Variants in MAPT observed in about 807,000 individuals in gnomAD.
MAPT encodes the protein microtubule associated protein tau.
A neutral mutation model predicts 67.9 loss-of-function variants in MAPT; 34 were observed. The observed-to-expected ratio is 0.50, with a 90% CI of 0.38 to 0.67. The LOEUF (loss-of-function observed/expected upper bound fraction) is 0.67. Among genes scored for constraint, MAPT ranks in the 30% least tolerant of loss-of-function variants. The pLI, the probability that MAPT is intolerant of heterozygous loss-of-function variation, is 0.00. For synonymous variants in MAPT, 456 were observed against 464.5 expected, an observed-to-expected ratio of 0.98 and a Z score of 0.23; for missense variants, 881 against 1,115.2, an observed-to-expected ratio of 0.79 and a Z score of 2.99.
intron 1 of MAPT, among the ~76,000 whole-genome samples, chr17:45,929,663 A>G (rs1296571031): frequency 9.9e-5 from 15 of 152,186 alleles, no homozygotes; most frequent in Admixed American, 9.8e-4. Context: ...CCCACCACTA[A>G]GCAAAAACAA....
At chr17:45,980,235 T>TCATGTCTGTAA in intron 4 of MAPT, 1 of 152,448 alleles carries the variant, frequency 6.6e-6, no homozygotes, top group African/African-American at 2.4e-5. Flanking sequence ...GTGCGGTGGC[T>TCATGTCTGTAA]CATGTCTGTA....
chr17:45,946,523 C>T (rs2068491602), intron 1 of MAPT, among the ~76,000 whole-genome samples: 1 of 147,244 alleles, frequency 6.8e-6, no homozygotes, highest in Non-Finnish European at 1.5e-5. Context: ...TGCTTGAACC[C>T]GAGAGGTAGA....
intron 2 of MAPT, among the ~76,000 whole-genome samples, chr17:45,966,406 G>A (rs1277896443): frequency 1.3e-5 from 2 of 152,006 alleles, no homozygotes; most frequent in African/African-American, 2.4e-5. Flanking sequence ...TGGGCAACAT[G>A]GTGAAATCCT....
chr17:45,993,803 G>A (rs540249632), intron 8 of MAPT: 9 of 965,678 alleles, frequency 9.3e-6, no homozygotes, highest in African/African-American at 8.1e-5. Context: ...TGGGCCCCTC[G>A]ACCTTGTTTC....
chr17:45,952,140 T>A (rs535103806), intron 1 of MAPT, among the ~76,000 whole-genome samples: 1 of 147,594 alleles, frequency 6.8e-6, no homozygotes, highest in South Asian at 2.1e-4. Context: ...AAGGGCATGC[T>A]TATTGATGTG....
chr17:45,996,562 G>A lies in MAPT; in HGVS notation c.1896G>A (p.Lys632=). ...RTPPKSPSSA[K]SRLQTAPVPM... is the part of the protein sequence containing the mutation. ...CACCCAAGTCGCCGTCTTCCGCCAAGAGCCGCCTGCAGACAGCCCCCGTGC... is the reference window on the plus strand; with the variant it reads ...CACCCAAGTCGCCGTCTTCCGCCAAAAGCCGCCTGCAGACAGCCCCCGTGC... The change falls in exon 9 of 13, where the codon AAG becomes AAA. Residue 632 remains lysine (K), a synonymous_variant. Coordinates refer to ENST00000262410, the MANE Select transcript of MAPT (RefSeq NM_001377265.1). The surrounding 1 kb of genome is among the most constrained non-coding windows in gnomAD (Gnocchi z 4.5). 6.2e-7 allele frequency: 1 copy of A among 1,613,686 alleles called. No individual in the cohort carries two copies. The highest frequency in any genetic ancestry group is 8.5e-7 in the Non-Finnish European group (1 of 1,179,832).
intron 2 of MAPT, among the ~76,000 whole-genome samples, chr17:45,965,888 T>C (rs2071028006): frequency 6.6e-6 from 1 of 152,142 alleles, no homozygotes; most frequent in Non-Finnish European, 1.5e-5. Flanking sequence ...CCCGTGAGGG[T>C]GGATGACGTC....
intron 1 of MAPT, among the ~76,000 whole-genome samples, chr17:45,900,552 G>A (rs1009279638): frequency 2.0e-5 from 3 of 152,156 alleles, no homozygotes; most frequent in East Asian, 3.8e-4. Flanking sequence ...TCAGGGACCC[G>A]ATAGAAATCC....
intron 1 of MAPT, among the ~76,000 whole-genome samples, chr17:45,923,445 C>T (rs914627193): frequency 2.0e-5 from 3 of 152,182 alleles, no homozygotes; most frequent in Non-Finnish European, 2.9e-5. Context: ...GGAAGGGGTC[C>T]GGCTGTCCCT....
intron 3 of MAPT, chr17:45,976,322 G>C (rs923848402): frequency 1.3e-5 from 2 of 152,182 alleles, no homozygotes; most frequent in Non-Finnish European, 2.9e-5. Context: ...CACACACCAG[G>C]TGTCCTCAAT....
intron 1 of MAPT, among the ~76,000 whole-genome samples, chr17:45,944,272 T>C (rs1029890429): frequency 6.6e-6 from 1 of 152,188 alleles, no homozygotes; most frequent in Non-Finnish European, 1.5e-5. Context: ...CACCAGGGCT[T>C]CTGACTCCAG....
chr17:45,901,338 C>T (rs913522725), intron 1 of MAPT, among the ~76,000 whole-genome samples: 3 of 152,130 alleles, frequency 2.0e-5, no homozygotes, highest in African/African-American at 7.2e-5. Context: ...CCAGTTTACT[C>T]GTTGAATAAA....
chr17:45,918,873 C>T (rs1396995208), intron 1 of MAPT, among the ~76,000 whole-genome samples: 1 of 152,106 alleles, frequency 6.6e-6, no homozygotes, highest in African/African-American at 2.4e-5. Context: ...GCCTGGCCAA[C>T]ATGGTGAAAC....
rs146478827 is a variant in MAPT, at chr17:45,933,005, C to T, written c.-17-29316C>T. Reference sequence around the variant, plus strand: ...GGTGAGGCAGGAGAATCTCTTGAACCCAGGAGGCGGAGATTGCAGTGGGCC... The same window carrying T: ...GGTGAGGCAGGAGAATCTCTTGAACTCAGGAGGCGGAGATTGCAGTGGGCC... On this transcript the variant is annotated intron_variant, in intron 1 of 12. Transcript: ENST00000262410. Among the ~76,000 whole-genome samples, 1,286 of 152,144 alleles carry T rather than the reference C, an allele frequency of 8.5e-3. 19 individuals carry two copies. Among genetic ancestry groups the T allele is most frequent in the African/African-American group, 0.029 (1,222 of 41,500 alleles).
intron 3 of MAPT, chr17:45,978,132 T>C (rs2072565421): frequency 3.6e-6 from 2 of 551,308 alleles, no homozygotes; most frequent in Non-Finnish European, 6.5e-6. Flanking sequence ...AGAAAGTCTT[T>C]CCTACTAGGT....
At chr17:45,974,809 C>T (rs939687528) in intron 3 of MAPT, 2 of 367,794 alleles carry the variant, frequency 5.4e-6, no homozygotes, top group African/African-American at 4.2e-5. Flanking sequence ...CACCTGAGGT[C>T]AGTCCACCCT....
At chr17:45,960,765 C>T (rs986243558) in intron 1 of MAPT, among the ~76,000 whole-genome samples, 2 of 149,624 alleles carry the variant, frequency 1.3e-5, no homozygotes, top group Non-Finnish European at 3.0e-5. Context: ...CCAGCCTGGG[C>T]AACATAGTGA....
At chr17:46,011,750 C>A (rs2075832568) in intron 10 of MAPT, among the ~76,000 whole-genome samples, 1 of 152,194 alleles carries the variant, frequency 6.6e-6, no homozygotes, top group African/African-American at 2.4e-5. Context: ...GGTGGGCTGT[C>A]TCCAGAAAAT....
At chr17:45,964,669 G>C (rs1027404856) in intron 2 of MAPT, among the ~76,000 whole-genome samples, 3 of 151,788 alleles carry the variant, frequency 2.0e-5, no homozygotes, top group African/African-American at 7.3e-5. Flanking sequence ...GGGCGACAGA[G>C]ACCCCCATGT....
Sources: gnomAD v4.1 joint callset for allele counts (sites outside exome capture counted in the v4.1 genomes callset) on GRCh38, gnomAD v4.1.1 for gene constraint, Gnocchi (gnomAD v3.1) non-coding constraint, MANE v1.5 for transcripts, NCBI Gene and HGNC (gene_info 2026-07-23, HGNC 2026-07-21) for gene names.